Variants in TRAPPC9 observed in about 807,000 individuals in gnomAD.
TRAPPC9 encodes trafficking protein particle complex subunit 9, also known as IKK2 binding protein.
Under a neutral mutation model 124.0 loss-of-function variants are expected in TRAPPC9, and 83 were observed. That is an observed-to-expected ratio of 0.67 (90% CI 0.56 to 0.80). TRAPPC9 has a LOEUF of 0.80. Among genes scored for constraint, TRAPPC9 ranks in the 30% least tolerant of loss-of-function variants. The pLI is 0.00. For missense variants in TRAPPC9, 1,302 were observed against 1,508.3 expected (o/e 0.86, Z 2.27); for synonymous variants, 638 against 617.5 (o/e 1.03, Z -0.49).
chr8:140,133,862 C>T lies in TRAPPC9; in HGVS notation c.2556+87597G>A, dbSNP rs77898761. Among the ~76,000 whole-genome samples the T allele has an allele frequency of 4.0e-3, 607 of 151,050 alleles. 10 individuals carry two copies. The East Asian group carries it at 0.063, about 16-fold the overall frequency. On this transcript the variant is annotated intron_variant, in intron 17 of 22. Transcript: ENST00000438773. ...TAACCAAAGAGGTAAAAGACTTGTA[C>T]ACTACAAATTACAAAACATTGCTTG...
chr8:139,728,077 G>A lies in TRAPPC9; in HGVS notation c.*2984C>T, dbSNP rs1817643573. On this transcript the variant is annotated 3_prime_UTR_variant, in exon 23 of 23. Transcript: ENST00000438773. ...AATAAACTGATATGAAAGTGTCCAT[G>A]AAATAAGTATTTTTATCTCTATTTA... Among the ~76,000 whole-genome samples, 1 of 152,128 alleles carries A rather than the reference G, an allele frequency of 6.6e-6. No individual in the cohort carries two copies. The highest frequency in any genetic ancestry group is 1.5e-5 in the Non-Finnish European group (1 of 68,022).
intron 9 of TRAPPC9, among the ~76,000 whole-genome samples, chr8:140,314,678 G>C (rs1234559512): frequency 6.6e-6 from 1 of 152,156 alleles, no homozygotes; most frequent in Non-Finnish European, 1.5e-5. Flanking sequence ...TCACACCTGA[G>C]GAAGACCATG....
intron 21 of TRAPPC9, among the ~76,000 whole-genome samples, chr8:139,771,092 G>A (rs932608212): frequency 1.3e-5 from 2 of 152,134 alleles, no homozygotes; most frequent in Non-Finnish European, 2.9e-5. Flanking sequence ...GCCTCTGCCT[G>A]CTTGGGAGCT....
intron 19 of TRAPPC9, among the ~76,000 whole-genome samples, chr8:139,937,903 C>T (rs1279686292): frequency 1.3e-5 from 2 of 152,132 alleles, no homozygotes; most frequent in Non-Finnish European, 2.9e-5. Context: ...TGGCTCAGGA[C>T]GCCGACAGGT....
intron 21 of TRAPPC9, among the ~76,000 whole-genome samples, chr8:139,740,972 A>G (rs911973039): frequency 6.6e-6 from 1 of 152,178 alleles, no homozygotes; most frequent in Admixed American, 6.5e-5. Context: ...AGCCCTGGGC[A>G]GCTGCCATTC....
At chr8:140,296,025 C>T (rs768564871) in intron 11 of TRAPPC9, among the ~76,000 whole-genome samples, 2 of 152,118 alleles carry the variant, frequency 1.3e-5, no homozygotes, top group African/African-American at 2.4e-5. Flanking sequence ...AGAAAAAAGG[C>T]CCTGGGCATC....
chr8:140,279,129 C>A (rs763057141), intron 14 of TRAPPC9, among the ~76,000 whole-genome samples: 2 of 152,230 alleles, frequency 1.3e-5, no homozygotes, highest in Non-Finnish European at 2.9e-5. Context: ...AATACCACAT[C>A]TTCTGTGAAG....
chr8:139,954,071 A>T (rs1364424557), intron 19 of TRAPPC9, among the ~76,000 whole-genome samples: 2 of 152,226 alleles, frequency 1.3e-5, no homozygotes, highest in African/African-American at 4.8e-5. Context: ...ATAGAACTCT[A>T]GAAAGTGCAA....
chr8:140,457,422 G>A (rs1357521204), intron 1 of TRAPPC9, among the ~76,000 whole-genome samples: 1 of 152,222 alleles, frequency 6.6e-6, no homozygotes, highest in Non-Finnish European at 1.5e-5. Flanking sequence ...TTGGACAGAT[G>A]TAAGCAGAGC....
chr8:140,257,286 G>A lies in TRAPPC9; in HGVS notation c.2279-4357C>T, dbSNP rs900238691. ...ACCCTGGCCCTCACACCCATTCACC[G>A]TGCCTCAGTCCTCTGGCAGCTCAGA... On this transcript the variant is annotated intron_variant, in intron 15 of 22. Coordinates refer to ENST00000438773, the MANE Select transcript of TRAPPC9 (RefSeq NM_001160372.4). This position sits in a 1 kb window ranked among gnomAD's most constrained non-coding sequence, Gnocchi z 4.6. Among the ~76,000 whole-genome samples the A allele has an allele frequency of 4.6e-5, 7 of 152,180 alleles. No individual in the cohort carries two copies. The highest frequency in any genetic ancestry group is 6.5e-5 in the Admixed American group (1 of 15,280).
At chr8:140,154,093 G>A (rs150534583) in intron 17 of TRAPPC9, among the ~76,000 whole-genome samples, 28 of 152,208 alleles carry the variant, frequency 1.8e-4, no homozygotes, top group East Asian at 1.2e-3. Context: ...CCCTAAACTC[G>A]CCAGATCTAG....
chr8:140,001,997 G>A (rs1251273093), intron 18 of TRAPPC9, among the ~76,000 whole-genome samples: 1 of 152,124 alleles, frequency 6.6e-6, no homozygotes, highest in African/African-American at 2.4e-5. Flanking sequence ...TCTATGCCCA[G>A]ATGGTTTGCT....
At chr8:139,954,743 C>T (rs1485967995) in intron 19 of TRAPPC9, among the ~76,000 whole-genome samples, 8 of 152,196 alleles carry the variant, frequency 5.3e-5, no homozygotes, top group Non-Finnish European at 1.0e-4. Flanking sequence ...GGTAGAGGTG[C>T]TCACGCCACT....
intron 17 of TRAPPC9, among the ~76,000 whole-genome samples, chr8:140,105,012 G>A (rs1043073016): frequency 2.0e-5 from 3 of 152,256 alleles, no homozygotes; most frequent in East Asian, 3.9e-4. Flanking sequence ...CAGCCCAAAC[G>A]TACTCAGCCA....
intron 17 of TRAPPC9, among the ~76,000 whole-genome samples, chr8:140,170,957 A>G (rs1376995461): frequency 1.3e-5 from 2 of 152,182 alleles, no homozygotes; most frequent in African/African-American, 4.8e-5. Context: ...AGAAGTGCAC[A>G]CTATTTTCTC....
chr8:140,374,399 G>A (rs1028615973), intron 7 of TRAPPC9, among the ~76,000 whole-genome samples: 3 of 152,056 alleles, frequency 2.0e-5, no homozygotes, highest in East Asian at 1.9e-4. Flanking sequence ...GAGAAACCCC[G>A]TCTCTACTAA....
rs1440524648 is a variant in TRAPPC9, at chr8:140,216,117, A to C, written c.2556+5342T>G. 6.6e-6 allele frequency: 1 copy of C among 152,220 alleles called. No homozygotes were observed. The highest frequency in any genetic ancestry group is 1.5e-5 in the Non-Finnish European group (1 of 68,036). The allele number at this position is 152,220 out of a possible 1,614,324, so 9.4% of individuals were successfully genotyped here. A position where few individuals can be genotyped will look rare whatever the true frequency, so the allele number is the denominator to read the frequency against. On this transcript the variant is annotated intron_variant, in intron 17 of 22. Coordinates refer to ENST00000438773, the MANE Select transcript of TRAPPC9 (RefSeq NM_001160372.4). The surrounding 1 kb of genome is among the most constrained non-coding windows in gnomAD (Gnocchi z 4.1). ...AGAGACCAAAGTGGGTAACTTGGAG[A>C]GTGTGACATCACCTCAAGGAGCCTC...
chr8:140,272,042 GGTT>G (rs2064908754), intron 15 of TRAPPC9, among the ~76,000 whole-genome samples: 7 of 148,292 alleles, frequency 4.7e-5, no homozygotes, highest in South Asian at 2.2e-4. Flanking sequence ...TAATGGTGGT[GGTT>G]GTGGTGGTTA....
At chr8:140,440,240 G>C (rs1421742951) in intron 2 of TRAPPC9, among the ~76,000 whole-genome samples, 1 of 152,200 alleles carries the variant, frequency 6.6e-6, no homozygotes, top group Non-Finnish European at 1.5e-5. Flanking sequence ...GGGTGCAGTG[G>C]CTCACGCCTG....
Sources: allele counts gnomAD v4.1 joint callset (sites outside exome capture counted in the v4.1 genomes callset), GRCh38; gene constraint gnomAD v4.1.1; non-coding constraint Gnocchi (gnomAD v3.1); transcripts MANE v1.5; gene names NCBI Gene and HGNC (gene_info 2026-07-23, HGNC 2026-07-21).